Variants in SETBP1 observed in about 807,000 individuals in gnomAD.
The protein encoded by SETBP1 is SET binding protein 1.
Under a neutral mutation model 101.0 loss-of-function variants are expected in SETBP1, and 9 were observed. The ratio of observed to expected loss-of-function variants is 0.09; its 90% CI spans 0.05 to 0.16. The LOEUF is 0.16. SETBP1 is among the 10% of genes least tolerant of loss of function. The pLI is 1.00. For missense variants in SETBP1, 1,858 were observed against 2,033.8 expected, an observed-to-expected ratio of 0.91 and a Z score of 1.66; for synonymous variants, 818 against 788.5, an observed-to-expected ratio of 1.04 and a Z score of -0.63.
intron 2 of SETBP1, among the ~76,000 whole-genome samples, chr18:44,755,944 G>A (rs954223838): frequency 6.6e-6 from 1 of 152,038 alleles, no homozygotes; most frequent in Non-Finnish European, 1.5e-5. Flanking sequence ...GGCCGGGCGC[G>A]GTGGCTCACA....
chr18:44,977,231 G>A (rs1247470747), intron 4 of SETBP1, among the ~76,000 whole-genome samples: 1 of 152,190 alleles, frequency 6.6e-6, no homozygotes, highest in Non-Finnish European at 1.5e-5. Flanking sequence ...GCATGCTGTG[G>A]TCTACTCTGG....
intron 4 of SETBP1, among the ~76,000 whole-genome samples, chr18:45,034,750 A>G (rs996572827): frequency 1.1e-4 from 17 of 152,204 alleles, no homozygotes; most frequent in Admixed American, 1.1e-3. Context: ...GGGTTTAGGG[A>G]TGCTCTGAAC....
At chr18:44,837,874 G>A (rs942349111) in intron 2 of SETBP1, among the ~76,000 whole-genome samples, 2 of 152,150 alleles carry the variant, frequency 1.3e-5, no homozygotes, top group African/African-American at 2.4e-5. Context: ...CCTTACAGTC[G>A]TGGGTGTATA....
chr18:44,705,734 G>C (rs1003937023), intron 2 of SETBP1, among the ~76,000 whole-genome samples: 5 of 152,144 alleles, frequency 3.3e-5, no homozygotes, highest in Non-Finnish European at 7.3e-5. Context: ...AGTTATACAT[G>C]GTCCACTGCT....
intron 5 of SETBP1, among the ~76,000 whole-genome samples, chr18:45,056,096 T>TG (rs1273965473): frequency 3.3e-5 from 5 of 152,182 alleles, no homozygotes; most frequent in African/African-American, 7.2e-5. Flanking sequence ...TTGGAACCCT[T>TG]GTCTTTTTGT....
At chr18:44,863,239 C>A (rs1263737315) in intron 2 of SETBP1, among the ~76,000 whole-genome samples, 2 of 152,180 alleles carry the variant, frequency 1.3e-5, no homozygotes, top group South Asian at 2.1e-4. Flanking sequence ...ACATATCTTA[C>A]AATTCTTCCT....
At chr18:44,779,931 C>A (rs2071089026) in intron 2 of SETBP1, among the ~76,000 whole-genome samples, 1 of 151,646 alleles carries the variant, frequency 6.6e-6, no homozygotes. Context: ...CACACACACG[C>A]ACGCACACAC....
At chr18:44,960,422 A>G (rs1456881753) in intron 4 of SETBP1, among the ~76,000 whole-genome samples, 2 of 151,984 alleles carry the variant, frequency 1.3e-5, no homozygotes, top group African/African-American at 2.4e-5. Context: ...AAAACCTCCA[A>G]CTTCTGGGCT....
intron 2 of SETBP1, among the ~76,000 whole-genome samples, chr18:44,813,564 T>C (rs1471313289): frequency 6.6e-6 from 1 of 152,172 alleles, no homozygotes. Flanking sequence ...CATCTGCAAA[T>C]GAGAAGCTGG....
Position 45,063,803 on chromosome 18 carries a change from T to A in SETBP1, c.*105T>A. 7.6e-7 allele frequency: 1 copy of A among 1,309,280 alleles called. No individual in the cohort carries two copies. The highest frequency in any genetic ancestry group is 1.4e-5 in the South Asian group (1 of 72,784). The allele number at this position is 1,309,280 out of a possible 1,614,324, so 81.1% of individuals were successfully genotyped here. A position where few individuals can be genotyped will look rare whatever the true frequency, so the allele number is the denominator to read the frequency against. ...CCCCGCTGCAGGGACACCCACGCCC[T>A]TCTCTCCAGAAGCCGGGCAGGCAGA... On this transcript the variant is annotated 3_prime_UTR_variant, in exon 6 of 6. Transcript: ENST00000649279.
intron 2 of SETBP1, among the ~76,000 whole-genome samples, chr18:44,743,440 G>A (rs1443675205): frequency 6.6e-6 from 1 of 152,182 alleles, no homozygotes; most frequent in Non-Finnish European, 1.5e-5. Flanking sequence ...AAAGTAGAAA[G>A]TGCCCTTTTT....
At chr18:44,863,828 A>AT (rs1196504455) in intron 2 of SETBP1, among the ~76,000 whole-genome samples, 1 of 152,204 alleles carries the variant, frequency 6.6e-6, no homozygotes, top group East Asian at 1.9e-4. Flanking sequence ...GCTTTGGCCC[A>AT]TAAGAAAGGA....
chr18:44,787,664 C>T (rs1463245958), intron 2 of SETBP1, among the ~76,000 whole-genome samples: 1 of 147,662 alleles, frequency 6.8e-6, no homozygotes, highest in Non-Finnish European at 1.5e-5. Context: ...ACCATCCTGG[C>T]TAACAAGGTG....
chr18:44,943,007 A>T (rs1483166148), intron 3 of SETBP1, among the ~76,000 whole-genome samples: 5 of 152,234 alleles, frequency 3.3e-5, no homozygotes, highest in African/African-American at 1.2e-4. Flanking sequence ...TAGAGGCTGG[A>T]TAGCTTCTCT....
At chr18:44,927,269 T>G (rs2070726700) in intron 3 of SETBP1, among the ~76,000 whole-genome samples, 1 of 152,224 alleles carries the variant, frequency 6.6e-6, no homozygotes, top group Non-Finnish European at 1.5e-5. Flanking sequence ...GGCTATGACC[T>G]AATGTAGCTC....
At chr18:45,034,360 A>G (rs903621648) in intron 4 of SETBP1, among the ~76,000 whole-genome samples, 1 of 152,172 alleles carries the variant, frequency 6.6e-6, no homozygotes, top group Non-Finnish European at 1.5e-5. Flanking sequence ...CAAGTAACCA[A>G]GGCAACAGGA....
Position 44,953,014 on chromosome 18 carries a change from A to G in SETBP1, c.3674A>G (p.Asn1225Ser), listed in dbSNP as rs778834051. The change falls in exon 4 of 6, where the codon AAC becomes AGC. Residue 1225 changes from asparagine to serine, a missense_variant. Asn to Ser is a conservative substitution (Grantham distance 46). This residue lies in a region of SETBP1 where 417 missense variants were observed against 389.1 expected (regional missense o/e 1.07). Transcript: ENST00000649279. Reference protein sequence around the residue: ...SEAGHKASKNNFEVDTLSTLS... With the variant: ...SEAGHKASKNSFEVDTLSTLS... ...GCCGGCCACAAAGCTTCTAAGAACA[A>G]CTTTGAGGTGGACACCCTGTCTACA... 2.5e-5 allele frequency: 40 copies of G among 1,614,012 alleles called. No homozygotes were observed. The highest frequency in any genetic ancestry group is 3.1e-5 in the Non-Finnish European group (36 of 1,179,982).
intron 2 of SETBP1, among the ~76,000 whole-genome samples, chr18:44,786,090 T>C (rs1333349987): frequency 6.6e-6 from 1 of 152,234 alleles, no homozygotes; most frequent in African/African-American, 2.4e-5. Context: ...AGGCCATTGA[T>C]GAAACTAGCA....
At chr18:44,844,079 A>C (rs913351761) in intron 2 of SETBP1, among the ~76,000 whole-genome samples, 1 of 152,118 alleles carries the variant, frequency 6.6e-6, no homozygotes, top group Non-Finnish European at 1.5e-5. Context: ...AATGGGATCT[A>C]TTCTTTGCCT....
Sources: gnomAD v4.1 joint callset for allele counts (sites outside exome capture counted in the v4.1 genomes callset) on GRCh38, gnomAD v4.1.1 for gene constraint, gnomAD v4.1.1 regional missense constraint, MANE v1.5 for transcripts, NCBI Gene and HGNC (gene_info 2026-07-23, HGNC 2026-07-21) for gene names.